GTF2A1L: variants seen among roughly 807,000 people sequenced by gnomAD.
GTF2A1L encodes the protein TFIIA-alpha and beta-like factor.
A neutral mutation model predicts 49.7 loss-of-function variants in GTF2A1L; 48 were observed. That is an observed-to-expected ratio of 0.97 (90% CI 0.77 to 1.23). The LOEUF is 1.23. Among genes scored for constraint, GTF2A1L ranks in the 50% most tolerant of loss-of-function variants. GTF2A1L has a pLI of 0.00. For missense variants in GTF2A1L, 736 were observed against 564.8 expected (o/e 1.30, Z -3.07); for synonymous variants, 246 against 193.5 (o/e 1.27, Z -2.25).
In GTF2A1L at chr2:48,634,468, CT is replaced by C. The variant is rs1372444688; in HGVS notation, c.248-7933del. On this transcript the variant is annotated intron_variant, in intron 3 of 8. Coordinates refer to ENST00000403751, the MANE Select transcript of GTF2A1L (RefSeq NM_006872.5). ...TTGTTAGCTGGTTGCTTTGTAGTTT[CT>C]GTTGTGTGGTTACTTTATAGGGTCT... is the stretch of plus-strand genomic sequence containing the variant. 3.9e-5 allele frequency among the ~76,000 whole-genome samples: 6 copies of C among 152,222 alleles called. No homozygotes were observed. The East Asian group carries it at 1.2e-3, about 29-fold the overall frequency.
chr2:48,626,134 TCCCCA>T (rs1676278057), intron 3 of GTF2A1L, among the ~76,000 whole-genome samples: 1 of 144,148 alleles, frequency 6.9e-6, no homozygotes, highest in African/African-American at 2.5e-5. Flanking sequence ...AACTATCCTT[TCCCCA>T]TTGTGTCCTC....
Position 48,652,989 on chromosome 2 carries a change from G to A in GTF2A1L, c.978+5947G>A, listed in dbSNP as rs555961213. ...TCACGCCTGTAATCCCAGCACTTTG[G>A]GAGGCTGAGGCGGGTGGATCACAAG... On this transcript the variant is annotated intron_variant, in intron 6 of 8. Transcript: ENST00000403751. Among the ~76,000 whole-genome samples, 7 of 151,958 alleles carry A rather than the reference G, an allele frequency of 4.6e-5. No individual in the cohort carries two copies. The South Asian group carries it at 8.3e-4, about 18-fold the overall frequency.
intron 8 of GTF2A1L, among the ~76,000 whole-genome samples, chr2:48,676,414 A>T (rs2104326174): frequency 6.6e-6 from 1 of 151,892 alleles, no homozygotes; most frequent in Middle Eastern, 3.4e-3. Flanking sequence ...TATTCCCAAA[A>T]TGCTCTCTAA....
chr2:48,658,426 A>G (rs1356437630), intron 6 of GTF2A1L, among the ~76,000 whole-genome samples: 1 of 152,078 alleles, frequency 6.6e-6, no homozygotes, highest in Non-Finnish European at 1.5e-5. Flanking sequence ...GCATGGCTTT[A>G]TTTCTAAGTT....
chr2:48,679,581 A>G lies in GTF2A1L; in HGVS notation c.*139A>G. 7.0e-7 allele frequency: 1 copy of G among 1,428,676 alleles called. No individual in the cohort carries two copies. The highest frequency in any genetic ancestry group is 9.1e-7 in the Non-Finnish European group (1 of 1,094,954). 88.5% of individuals were successfully genotyped at this position (1,428,676 alleles called of 1,614,324 possible). A position where few individuals can be genotyped will look rare whatever the true frequency, so the allele number is the denominator to read the frequency against. Reference sequence around the variant, plus strand: ...TCACTGTATGGAATTTAATAAAATTATAATTCAGATGCAGATACAATTACA... The same window carrying G: ...TCACTGTATGGAATTTAATAAAATTGTAATTCAGATGCAGATACAATTACA... On this transcript the variant is annotated 3_prime_UTR_variant, in exon 9 of 9. Transcript: ENST00000403751.
At chr2:48,658,988 T>C (rs1055778900) in intron 6 of GTF2A1L, among the ~76,000 whole-genome samples, 2 of 152,196 alleles carry the variant, frequency 1.3e-5, no homozygotes, top group African/African-American at 4.8e-5. Context: ...TTGGAATTTC[T>C]TTCCTTTAAG....
intron 6 of GTF2A1L, among the ~76,000 whole-genome samples, chr2:48,651,436 CTTTTT>C (rs397984530): frequency 2.3e-5 from 3 of 130,882 alleles, no homozygotes; most frequent in African/African-American, 8.0e-5. Context: ...GTTGTGAGTT[CTTTTT>C]TTTTTTTTTT....
At chr2:48,648,110 T>C (rs1677636177) in intron 6 of GTF2A1L, among the ~76,000 whole-genome samples, 1 of 152,114 alleles carries the variant, frequency 6.6e-6, no homozygotes, top group South Asian at 2.1e-4. Flanking sequence ...AATCAGAAAC[T>C]ATTTGGCCTG....
chr2:48,676,964 T>A (rs193289564), intron 8 of GTF2A1L, among the ~76,000 whole-genome samples: 7 of 151,862 alleles, frequency 4.6e-5, no homozygotes, highest in Non-Finnish European at 1.0e-4. Context: ...CTTCCTAACA[T>A]TTTTTAAGAA....
chr2:48,677,086 A>G (rs573763028), intron 8 of GTF2A1L, among the ~76,000 whole-genome samples: 1 of 151,960 alleles, frequency 6.6e-6, no homozygotes, highest in East Asian at 1.9e-4. Flanking sequence ...TTGTCTGTCC[A>G]TAGGCCTATG....
intron 6 of GTF2A1L, among the ~76,000 whole-genome samples, chr2:48,653,730 C>T (rs1252129555): frequency 6.6e-6 from 1 of 151,934 alleles, no homozygotes; most frequent in Non-Finnish European, 1.5e-5. Context: ...GTCAGGAGTT[C>T]AAGACCAGCC....
At chr2:48,671,772 A>T (rs1386351100) in intron 8 of GTF2A1L, 92 bp downstream of exon 8, 16 of 1,209,626 alleles carry the variant, frequency 1.3e-5, no homozygotes, top group Non-Finnish European at 1.0e-5. Flanking sequence ...GAAGAGTTAC[A>T]CTTCACAATT....
intron 3 of GTF2A1L, among the ~76,000 whole-genome samples, chr2:48,640,720 A>G (rs1163549122): frequency 6.6e-6 from 1 of 152,192 alleles, no homozygotes; most frequent in Non-Finnish European, 1.5e-5. Context: ...TATTTCTAGA[A>G]CATACACATG....
intron 3 of GTF2A1L, among the ~76,000 whole-genome samples, chr2:48,622,121 C>T (rs1316258564): frequency 6.6e-6 from 1 of 152,090 alleles, no homozygotes; most frequent in Non-Finnish European, 1.5e-5. Flanking sequence ...TCTTTGCATG[C>T]TTGGGAAAAT....
chr2:48,666,804 CTTGT>C, intron 6 of GTF2A1L, among the ~76,000 whole-genome samples: 1 of 152,118 alleles, frequency 6.6e-6, no homozygotes, highest in South Asian at 2.1e-4. Context: ...ACTCCCCAAA[CTTGT>C]TATCTGTGCT....
At chr2:48,636,113 C>T (rs912870579) in intron 3 of GTF2A1L, among the ~76,000 whole-genome samples, 1 of 152,098 alleles carries the variant, frequency 6.6e-6, no homozygotes, top group Non-Finnish European at 1.5e-5. Context: ...TCTCATTTTC[C>T]TTCTTGAATT....
Position 48,646,742 on chromosome 2 carries a change from A to G in GTF2A1L, c.678A>G (p.Lys226=). 4 of 1,614,224 alleles carry G rather than the reference A, an allele frequency of 2.5e-6. No homozygotes were observed. The highest frequency in any genetic ancestry group is 3.4e-6 in the Non-Finnish European group (4 of 1,180,036). The part of the protein sequence containing the change: ...DILVSPGNEH[K]IVPEALLCHQ... Reference sequence around the variant, plus strand: ...TTGTATCTCCTGGAAATGAGCATAAAATCGTGCCTGAAGCTTTGTTGTGTC... The same window carrying G: ...TTGTATCTCCTGGAAATGAGCATAAGATCGTGCCTGAAGCTTTGTTGTGTC... The change falls in exon 6 of 9, where the codon AAA becomes AAG. Residue 226 remains lysine (K), a synonymous_variant. Coordinates refer to ENST00000403751, the MANE Select transcript of GTF2A1L (RefSeq NM_006872.5).
intron 8 of GTF2A1L, among the ~76,000 whole-genome samples, chr2:48,672,542 G>A (rs1273354818): frequency 2.0e-5 from 3 of 152,150 alleles, no homozygotes; most frequent in African/African-American, 7.2e-5. Flanking sequence ...ACAGAGGATG[G>A]CAGTGTAAGA....
chr2:48,649,777 G>C (rs1303735159), intron 6 of GTF2A1L, among the ~76,000 whole-genome samples: 1 of 152,004 alleles, frequency 6.6e-6, no homozygotes, highest in Admixed American at 6.6e-5. Flanking sequence ...ATAAACTTCA[G>C]GCACCTTAAT....
Sources: gnomAD v4.1 joint callset for allele counts (sites outside exome capture counted in the v4.1 genomes callset) on GRCh38, gnomAD v4.1.1 for gene constraint, MANE v1.5 for transcripts, NCBI Gene and HGNC (gene_info 2026-07-23, HGNC 2026-07-21) for gene names.